CEP120: variants seen among roughly 807,000 people sequenced by gnomAD.
The protein encoded by CEP120 is centrosomal protein 120, also known as centrosomal protein of 120 kDa.
In CEP120, 113 loss-of-function variants were observed where a neutral mutation model predicts 126.5. That is an observed-to-expected ratio of 0.89 (90% confidence interval 0.77 to 1.04). The LOEUF is 1.04. CEP120 is among the 50% of genes least tolerant of loss of function. CEP120 has a pLI of 0.00. For missense variants in CEP120, 1,230 were observed against 1,155.7 expected, an observed-to-expected ratio of 1.06 and a Z score of -0.93; for synonymous variants, 400 against 394.3, an observed-to-expected ratio of 1.01 and a Z score of -0.17.
At chr5:123,404,992 T>C (rs7703457) in intron 4 of CEP120, among the ~76,000 whole-genome samples, 10,013 of 152,218 alleles carry the variant, frequency 0.066, 474 homozygotes, top group Non-Finnish European at 0.093. Flanking sequence ...CTGTAAAACA[T>C]TGAAGAAGAA....
At chr5:123,400,626 C>T (rs1204204934) in intron 4 of CEP120, among the ~76,000 whole-genome samples, 2 of 138,900 alleles carry the variant, frequency 1.4e-5, no homozygotes, top group African/African-American at 2.7e-5. Context: ...CATATATATA[C>T]ACATAAATAC....
chr5:123,372,167 A>T (rs989246876), intron 17 of CEP120, among the ~76,000 whole-genome samples: 3 of 152,104 alleles, frequency 2.0e-5, no homozygotes. Context: ...CCTATCTAGG[A>T]CATTGAATCT....
At chr5:123,373,422 T>G (rs1326454729) in intron 16 of CEP120, among the ~76,000 whole-genome samples, 1 of 152,046 alleles carries the variant, frequency 6.6e-6, no homozygotes, top group Non-Finnish European at 1.5e-5. Flanking sequence ...AGAATGGAAA[T>G]TTCTTGAATT....
Position 123,393,215 on chromosome 5 carries a change from G to A in CEP120, c.810+85C>T, listed in dbSNP as rs1419887473. ...TACTACTGAAATAGGATTAAGTTTA[G>A]GTACTAAACTCTCGTTTAGTTTAGG... is the stretch of plus-strand genomic sequence containing the variant. On this transcript the variant is annotated intron_variant, in intron 6 of 19. Coordinates refer to ENST00000306467, the MANE Select transcript of CEP120 (RefSeq NM_001375405.1). The A allele has an allele frequency of 4.3e-6, 5 of 1,171,898 alleles. 1 individual carries two copies. The highest frequency in any genetic ancestry group is 6.3e-6 in the Non-Finnish European group (5 of 794,396). 72.6% of individuals were successfully genotyped at this position (1,171,898 alleles called of 1,614,324 possible).
chr5:123,407,525 C>T (rs1460189698), intron 4 of CEP120, among the ~76,000 whole-genome samples: 1 of 152,014 alleles, frequency 6.6e-6, no homozygotes, highest in Non-Finnish European at 1.5e-5. Flanking sequence ...GTCAATTCTG[C>T]AAAAAGACAA....
Position 123,423,251 on chromosome 5 carries a change from C to A in CEP120, c.-253G>T. 1 of 502,098 alleles carries A rather than the reference C, an allele frequency of 2.0e-6. No individual in the cohort carries two copies. Among genetic ancestry groups the A allele is most frequent in the Non-Finnish European group, 3.6e-6 (1 of 281,650 alleles). The allele number at this position is 502,098 out of a possible 1,614,324, so 31.1% of individuals were successfully genotyped here. A position where few individuals can be genotyped will look rare whatever the true frequency, so the allele number is the denominator to read the frequency against. ...GCCACGCTGCAGCCCTGCCAGTCTG[C>A]AAGCAGAGACAAGCCCGCCACCCGA... is the stretch of plus-strand genomic sequence containing the variant. On this transcript the variant is annotated 5_prime_UTR_variant, in exon 1 of 20. Transcript: ENST00000306467.
chr5:123,417,897 G>A (rs1774481488), intron 2 of CEP120, among the ~76,000 whole-genome samples: 2 of 152,098 alleles, frequency 1.3e-5, no homozygotes, highest in Non-Finnish European at 2.9e-5. Flanking sequence ...CAACTTCATA[G>A]TGTTGTTCTG....
chr5:123,362,198 T>C (rs17473440), intron 18 of CEP120, among the ~76,000 whole-genome samples: 4,991 of 151,810 alleles, frequency 0.033, 127 homozygotes, highest in Non-Finnish European at 0.049. Context: ...TCTCTCAAAA[T>C]CACTTTAATT....
At chr5:123,356,672 T>A (rs1769653426) in intron 18 of CEP120, among the ~76,000 whole-genome samples, 1 of 152,114 alleles carries the variant, frequency 6.6e-6, no homozygotes, top group Non-Finnish European at 1.5e-5. Context: ...CTCTTTTTTT[T>A]AGAAATATGT....
intron 17 of CEP120, among the ~76,000 whole-genome samples, chr5:123,367,526 C>A (rs1246153535): frequency 6.6e-6 from 1 of 151,882 alleles, no homozygotes; most frequent in African/African-American, 2.4e-5. Context: ...TCTCAGACTT[C>A]AGATTTTCCG....
Position 123,353,125 on chromosome 5 carries a change from T to G in CEP120, c.2581-3036A>C, listed in dbSNP as rs113494887. Among the ~76,000 whole-genome samples, 373 of 152,102 alleles carry G rather than the reference T, an allele frequency of 2.5e-3. 2 individuals are homozygous for G. Among genetic ancestry groups the G allele is most frequent in the African/African-American group, 8.2e-3 (341 of 41,572 alleles). On this transcript the variant is annotated intron_variant, in intron 18 of 19. Transcript: ENST00000306467. ...ATTTCTTTTTCTTGCCCTATTACACTGGCTAGAACACCTCTAATACAATGT... is the reference window on the plus strand; with the variant it reads ...ATTTCTTTTTCTTGCCCTATTACACGGGCTAGAACACCTCTAATACAATGT...
rs35093126 is a variant in CEP120 at position 123,400,704 on chromosome 5, C to CAA, written c.464-1422_464-1421dup. 1.4e-4 allele frequency among the ~76,000 whole-genome samples: 13 copies of CAA among 93,792 alleles called. No homozygotes were observed. The East Asian group carries it at 1.4e-3, about 10-fold the overall frequency. 61.5% of individuals were successfully genotyped at this position (93,792 alleles called of 152,430 possible). A position where few individuals can be genotyped will look rare whatever the true frequency, so the allele number is the denominator to read the frequency against. The stretch of plus-strand genomic sequence containing the variant: ...AGCTAGCTGAGGTTTTATTTTGGAC[C>CAA]AAAAAAAAAAAAAAAAGCAACTGAA... On this transcript the variant is annotated intron_variant, in intron 4 of 19. Coordinates refer to ENST00000306467, the MANE Select transcript of CEP120 (RefSeq NM_001375405.1).
At chr5:123,388,007 C>T (rs1374069194) in intron 9 of CEP120, among the ~76,000 whole-genome samples, 2 of 110,056 alleles carry the variant, frequency 1.8e-5, no homozygotes, top group Non-Finnish European at 3.9e-5. Context: ...TCAGATAATA[C>T]ACTACCTTTT....
intron 16 of CEP120, among the ~76,000 whole-genome samples, chr5:123,375,654 G>T (rs1471036371): frequency 6.6e-6 from 1 of 152,080 alleles, no homozygotes; most frequent in African/African-American, 2.4e-5. Context: ...ACAGATATGT[G>T]TATTTCTTAA....
chr5:123,367,056 C>A (rs1445177989), intron 17 of CEP120, among the ~76,000 whole-genome samples: 1 of 151,856 alleles, frequency 6.6e-6, no homozygotes, highest in East Asian at 1.9e-4. Context: ...CAAATGGTTT[C>A]TATCACATTC....
At chr5:123,374,154 A>G (rs1163156095) in intron 16 of CEP120, among the ~76,000 whole-genome samples, 1 of 152,068 alleles carries the variant, frequency 6.6e-6, no homozygotes, top group Non-Finnish European at 1.5e-5. Context: ...TTCAAATACT[A>G]TTACAAGTTA....
At chr5:123,420,743 G>GT (rs1324533363) in intron 1 of CEP120, among the ~76,000 whole-genome samples, 3 of 152,254 alleles carry the variant, frequency 2.0e-5, no homozygotes, top group Non-Finnish European at 2.9e-5. Flanking sequence ...GATTATTACA[G>GT]TAAGTTAGGT....
At chr5:123,422,125 TTTAA>T (rs1774754928) in intron 1 of CEP120, among the ~76,000 whole-genome samples, 1 of 152,224 alleles carries the variant, frequency 6.6e-6, no homozygotes, top group Non-Finnish European at 1.5e-5. Flanking sequence ...ACTGAGTGAA[TTTAA>T]TTAAGCAAGG....
chr5:123,419,533 A>C (rs1366764791), intron 1 of CEP120, among the ~76,000 whole-genome samples: 7 of 136,426 alleles, frequency 5.1e-5, no homozygotes, highest in Non-Finnish European at 9.4e-5. Flanking sequence ...CTCCATCTCA[A>C]AAAAAAACAA....
Sources: gnomAD v4.1 joint callset for allele counts (sites outside exome capture counted in the v4.1 genomes callset) on GRCh38, gnomAD v4.1.1 for gene constraint, MANE v1.5 for transcripts, NCBI Gene and HGNC (gene_info 2026-07-23, HGNC 2026-07-21) for gene names.